MOB4: variants seen among roughly 807,000 people sequenced by gnomAD.
The protein encoded by MOB4 is MOB family member 4, phocein, also known as MOB-like protein phocein.
A neutral mutation model predicts 32.2 loss-of-function variants in MOB4; 4 were observed. The ratio of observed to expected loss-of-function variants is 0.12; its 90% CI spans 0.06 to 0.28. The LOEUF (loss-of-function observed/expected upper bound fraction) is 0.28. Among genes scored for constraint, MOB4 ranks in the 10% least tolerant of loss-of-function variants. MOB4 has a pLI of 1.00. For missense variants in MOB4, 158 were observed against 271.2 expected (o/e 0.58, Z 2.93); for synonymous variants, 88 against 88.1 (o/e 1.00, Z 0.01).
At chr2:197,530,110 C>T (rs1350301712) in intron 2 of MOB4, among the ~76,000 whole-genome samples, 7 of 152,084 alleles carry the variant, frequency 4.6e-5, no homozygotes, top group Non-Finnish European at 1.0e-4. Context: ...GCTGGGATAA[C>T]AGGCGCCTGC....
chr2:197,535,438 G>A (rs970309198), intron 2 of MOB4, 92 bp from the exon 3 acceptor site: 2 of 1,191,678 alleles, frequency 1.7e-6, no homozygotes, highest in Non-Finnish European at 2.3e-6. Flanking sequence ...TGAACCACAA[G>A]AGCAGTTATG....
rs546628962 is a variant in MOB4, at chr2:197,551,783, G to A, written c.*1137G>A. On this transcript the variant is annotated 3_prime_UTR_variant, in exon 8 of 8. Coordinates refer to ENST00000323303, the MANE Select transcript of MOB4 (RefSeq NM_015387.5). ...ATAGTCATACATTTTTTTGGACTTT[G>A]TTATAATTCATTGTGGTAAGAATGA... The A allele has an allele frequency of 2.6e-5, 4 of 152,366 alleles. No homozygotes were observed. The highest frequency in any genetic ancestry group is 2.6e-4 in the Admixed American group (4 of 15,288). 9.4% of individuals were successfully genotyped at this position (152,366 alleles called of 1,614,324 possible). A position where few individuals can be genotyped will look rare whatever the true frequency, so the allele number is the denominator to read the frequency against.
chr2:197,542,641 C>G (rs1272369017), intron 5 of MOB4, among the ~76,000 whole-genome samples: 3 of 152,182 alleles, frequency 2.0e-5, no homozygotes, highest in African/African-American at 7.2e-5. Flanking sequence ...AACTTACTGT[C>G]TACAAGCCCT....
Position 197,542,836 on chromosome 2 carries a change from G to T in MOB4, c.354+2399G>T, listed in dbSNP as rs10192921. ...TTACCTGAGAATTAACTGGGGGAAG[G>T]TGAAGGGAAGGCAGCTAAAAACAAT... On this transcript the variant is annotated intron_variant, in intron 5 of 7. Coordinates refer to ENST00000323303, the MANE Select transcript of MOB4 (RefSeq NM_015387.5). Among the ~76,000 whole-genome samples, 928 of 152,234 alleles carry T rather than the reference G, an allele frequency of 6.1e-3. 11 individuals carry two copies. Among genetic ancestry groups the T allele is most frequent in the African/African-American group, 0.021 (891 of 41,530 alleles).
chr2:197,535,387 T>G lies in MOB4; in HGVS notation c.124-143T>G. On this transcript the variant is annotated intron_variant, in intron 2 of 7. Transcript: ENST00000323303. ...TACTTTTTTTCTTAGTTACTGATTATGATTCTATACTTGGTTTCCTATTTA... is the reference window on the plus strand; with the variant it reads ...TACTTTTTTTCTTAGTTACTGATTAGGATTCTATACTTGGTTTCCTATTTA... 3 of 611,258 alleles carry G rather than the reference T, an allele frequency of 4.9e-6. 1 individual carries two copies. In the South Asian group the frequency reaches 1.2e-4, roughly 25 times the overall value. 37.9% of individuals were successfully genotyped at this position (611,258 alleles called of 1,614,324 possible).
At chr2:197,521,764 C>A (rs1308520407) in intron 1 of MOB4, among the ~76,000 whole-genome samples, 3 of 152,218 alleles carry the variant, frequency 2.0e-5, no homozygotes, top group African/African-American at 7.2e-5. Context: ...CCCGGCTCAC[C>A]AGTGGTCAGA....
chr2:197,544,254 T>A (rs915848614), intron 5 of MOB4, among the ~76,000 whole-genome samples: 2 of 152,090 alleles, frequency 1.3e-5, no homozygotes, highest in African/African-American at 4.8e-5. Flanking sequence ...GTATTTTTAG[T>A]AGAGACGGAG....
chr2:197,533,815 A>G (rs1345310983), intron 2 of MOB4: 2 of 602,492 alleles, frequency 3.3e-6, no homozygotes, highest in Non-Finnish European at 6.4e-6. Context: ...GCCTTCCCAC[A>G]AGACTTTAAG....
chr2:197,530,923 T>C (rs1484464234), intron 2 of MOB4, among the ~76,000 whole-genome samples: 12 of 152,312 alleles, frequency 7.9e-5, no homozygotes, highest in Middle Eastern at 3.4e-3. Flanking sequence ...CATTTGATTA[T>C]GATGTATCTG....
chr2:197,545,953 T>C (rs2086985493), intron 5 of MOB4, among the ~76,000 whole-genome samples: 1 of 152,246 alleles, frequency 6.6e-6, no homozygotes, highest in South Asian at 2.1e-4. Context: ...AGTAGCCCAT[T>C]AATTTTATAT....
At chr2:197,526,351 T>G (rs955327803) in intron 2 of MOB4, among the ~76,000 whole-genome samples, 16 of 152,178 alleles carry the variant, frequency 1.1e-4, no homozygotes, top group African/African-American at 3.6e-4. Context: ...ACAGTCTCGC[T>G]CTGTCACCAG....
chr2:197,528,510 A>G (rs1470980289), intron 2 of MOB4, among the ~76,000 whole-genome samples: 2 of 152,134 alleles, frequency 1.3e-5, no homozygotes, highest in African/African-American at 4.8e-5. Context: ...AACATATTTT[A>G]AAGAAGTCAT....
At position 197,550,631 on chromosome 2, in the gene MOB4, G is replaced by A. The variant is rs775280983; in HGVS notation, c.663G>A (p.Gly221=). Residue 221 remains glycine (G), a synonymous_variant, in exon 8 of 8, where the codon GGG becomes GGA. Coordinates refer to ENST00000323303, the MANE Select transcript of MOB4 (RefSeq NM_015387.5). ...LEEEVQNSVS[G]ESEA Reference sequence around the variant, plus strand: ...AGGAAGTACAGAATTCAGTTTCTGGGGAAAGTGAAGCATGAAGGGAATCAT... The same window carrying A: ...AGGAAGTACAGAATTCAGTTTCTGGAGAAAGTGAAGCATGAAGGGAATCAT... The A allele has an allele frequency of 2.5e-6, 4 of 1,598,872 alleles. No homozygotes were observed. In the South Asian group the frequency reaches 4.6e-5, roughly 18 times the overall value.
At chr2:197,519,175 C>T (rs1018181119) in intron 1 of MOB4, among the ~76,000 whole-genome samples, 13 of 152,124 alleles carry the variant, frequency 8.5e-5, no homozygotes, top group African/African-American at 1.7e-4. Context: ...GGATTACAGG[C>T]GCAAGCCACC....
At chr2:197,515,818 C>G, upstream of MOB4, 1 of 520,092 alleles carries the variant, frequency 1.9e-6, no homozygotes, top group Non-Finnish European at 3.4e-6. Flanking sequence ...TTCAAACCGC[C>G]CCGCAGCCCT....
intron 1 of MOB4, among the ~76,000 whole-genome samples, chr2:197,518,186 C>T (rs2086448997): frequency 1.3e-5 from 2 of 151,748 alleles, no homozygotes; most frequent in Admixed American, 6.6e-5. Context: ...GGAGTATCTT[C>T]CTACATTAAA....
intron 1 of MOB4, chr2:197,516,763 C>T (rs1460499398): frequency 4.2e-6 from 2 of 471,176 alleles, no homozygotes; most frequent in Non-Finnish European, 8.8e-6. Flanking sequence ...AGATGTCATT[C>T]CTTGCTAATA....
At chr2:197,537,390 G>T (rs1460457051) in intron 3 of MOB4, among the ~76,000 whole-genome samples, 2 of 152,160 alleles carry the variant, frequency 1.3e-5, no homozygotes, top group East Asian at 3.8e-4. Flanking sequence ...TTTGTAAGTT[G>T]ATTTTTAGAT....
chr2:197,540,497 A>G (rs1559322394), intron 5 of MOB4, 60 bp downstream of exon 5: 3 of 1,417,030 alleles, frequency 2.1e-6, no homozygotes, highest in African/African-American at 3.0e-5. Flanking sequence ...CTCTCTCAAG[A>G]CAATGTTAGA....
Sources: allele counts gnomAD v4.1 joint callset (sites outside exome capture counted in the v4.1 genomes callset), GRCh38; gene constraint gnomAD v4.1.1; transcripts MANE v1.5; gene names NCBI Gene and HGNC (gene_info 2026-07-23, HGNC 2026-07-21).